Variants in PKD1L3 observed in about 807,000 individuals in gnomAD.
The protein encoded by PKD1L3 is polycystin 1 like 3, transient receptor potential channel interacting.
PKD1L3 carries 239 observed loss-of-function variants against 184.1 expected under a neutral mutation model. The ratio of observed to expected loss-of-function variants is 1.30; its 90% confidence interval spans 1.17 to 1.45. The LOEUF (loss-of-function observed/expected upper bound fraction) is 1.45. Among genes scored for constraint, PKD1L3 ranks in the 40% most tolerant of loss-of-function variants. The pLI is 0.00. For missense variants in PKD1L3, 2,660 were observed against 2,067.2 expected, an observed-to-expected ratio of 1.29 and a Z score of -5.56; for synonymous variants, 996 against 778.8, an observed-to-expected ratio of 1.28 and a Z score of -4.64.
At chr16:71,944,709 T>TG (rs2038497895) in intron 22 of PKD1L3, among the ~76,000 whole-genome samples, 1 of 79,086 alleles carries the variant, frequency 1.3e-5, no homozygotes, top group South Asian at 6.8e-4. Flanking sequence ...TTGTTTGTTT[T>TG]TTTTTTTTGA....
At chr16:71,958,203 C>G (rs995013696) in intron 16 of PKD1L3, among the ~76,000 whole-genome samples, 1 of 150,788 alleles carries the variant, frequency 6.6e-6, no homozygotes, top group East Asian at 2.0e-4. Context: ...CCGGCTAAAA[C>G]GGTGAAACCC....
At chr16:71,952,497 G>A (rs1313164348) in intron 18 of PKD1L3, among the ~76,000 whole-genome samples, 2 of 150,550 alleles carry the variant, frequency 1.3e-5, no homozygotes, top group Admixed American at 1.3e-4. Flanking sequence ...GAGATTACAG[G>A]CGTGAGCCAC....
intron 6 of PKD1L3, among the ~76,000 whole-genome samples, chr16:71,983,523 G>C (rs75753202): frequency 6.6e-6 from 1 of 152,016 alleles, no homozygotes; most frequent in Non-Finnish European, 1.5e-5. Flanking sequence ...CATAAACACA[G>C]TATATCCAAC....
At chr16:71,959,781 G>T (rs1313882503) in intron 16 of PKD1L3, among the ~76,000 whole-genome samples, 1 of 151,916 alleles carries the variant, frequency 6.6e-6, no homozygotes, top group South Asian at 2.1e-4. Flanking sequence ...AGGAGAAAGA[G>T]GAAAAAATAC....
intron 24 of PKD1L3, among the ~76,000 whole-genome samples, chr16:71,937,922 G>A (rs1442937871): frequency 1.3e-5 from 2 of 152,162 alleles, no homozygotes; most frequent in Non-Finnish European, 2.9e-5. Flanking sequence ...TATTAGTGAT[G>A]GCAGCAGCAC....
chr16:71,963,258 A>C lies in PKD1L3; in HGVS notation c.2559T>G (p.Cys853Trp). 1 of 1,542,020 alleles carries C rather than the reference A, an allele frequency of 6.5e-7. No homozygotes were observed. Among genetic ancestry groups the C allele is most frequent in the Non-Finnish European group, 8.8e-7 (1 of 1,139,772 alleles). The change falls in exon 16 of 30, where the codon TGT (cysteine) becomes TGG (tryptophan). Residue 853 changes from cysteine (C) to tryptophan (W), a missense_variant. By Grantham distance (215) the Cys-to-Trp change is radical. Transcript: ENST00000620267. The stretch of plus-strand genomic sequence containing the variant: ...CTGGGATGAAGACCCGGTCAAGCTC[A>C]CAGTCTCCGAGGTCCACAGCCAGCC... ...NCWLAVDLGD[C>W]ELDRVFIPVS... is the part of the protein sequence containing the mutation.
At position 71,935,246 on chromosome 16, in the gene PKD1L3, T is replaced by C. The variant is rs181084136; in HGVS notation, c.4613+112A>G. ...ATGAGTCCAAGTTCTCTTTTAACTC[T>C]AATGTTATGCAAATACAGATCTGGT... On this transcript the variant is annotated intron_variant, in intron 26 of 29. Coordinates refer to ENST00000620267, the MANE Select transcript of PKD1L3 (RefSeq NM_181536.2). 3.4e-6 allele frequency: 4 copies of C among 1,189,096 alleles called. No individual in the cohort carries two copies. The South Asian group carries it at 5.1e-5, about 15-fold the overall frequency. 73.7% of individuals were successfully genotyped at this position (1,189,096 alleles called of 1,614,324 possible).
intron 25 of PKD1L3, among the ~76,000 whole-genome samples, chr16:71,936,726 G>A (rs999812623): frequency 1.3e-5 from 2 of 151,958 alleles, no homozygotes; most frequent in Non-Finnish European, 2.9e-5. Flanking sequence ...CAGGTAATCC[G>A]CCTGCCTCGG....
chr16:71,933,382 A>G (rs774131101), intron 28 of PKD1L3, 38 bp downstream of exon 28: 42 of 1,440,094 alleles, frequency 2.9e-5, no homozygotes, highest in Admixed American at 1.8e-4. Flanking sequence ...CTTGTTCAAT[A>G]TATTGAATTC....
At position 71,930,153 on chromosome 16, in the gene PKD1L3, A is replaced by T; in HGVS notation, c.4957T>A (p.Phe1653Ile). Residue 1653 changes from phenylalanine (F) to isoleucine (I), a missense_variant, in exon 29 of 30, where the codon TTT becomes ATT. Physicochemically the swap from Phe to Ile is conservative, Grantham distance 21. Coordinates refer to ENST00000620267, the MANE Select transcript of PKD1L3 (RefSeq NM_181536.2). ...VFALDPVLGT[F>I]LILTSVILMV... Reference sequence around the variant, plus strand: ...AAGATGACACTGGTGAGGATCAGAAAGGTGCCCAGGACTGGGTCTAAAGCG... The same window carrying T: ...AAGATGACACTGGTGAGGATCAGAATGGTGCCCAGGACTGGGTCTAAAGCG... The T allele has an allele frequency of 6.4e-7, 1 of 1,551,370 alleles. No homozygotes were observed. The highest frequency in any genetic ancestry group is 2.0e-5 in the Admixed American group (1 of 50,896).
At chr16:71,981,002 C>A (rs1228157044) in intron 7 of PKD1L3, among the ~76,000 whole-genome samples, 2 of 152,198 alleles carry the variant, frequency 1.3e-5, no homozygotes, top group South Asian at 4.1e-4. Context: ...TGATAGGCTT[C>A]TTTCACCTGG....
At chr16:71,982,703 C>T (rs2040208576) in intron 6 of PKD1L3, among the ~76,000 whole-genome samples, 1 of 151,986 alleles carries the variant, frequency 6.6e-6, no homozygotes, top group South Asian at 2.1e-4. Flanking sequence ...CTCAAGCAAT[C>T]CTCCTTCCTC....
At position 71,949,795 on chromosome 16, in the gene PKD1L3, G is replaced by A. The variant is rs1479599700; in HGVS notation, c.3606C>T (p.Ser1202=). ...ATCCCTCACATACCTTTACTGGCTG[G>A]CTGATGAAGATGTTCTGAAGCACTG... ...ILSVLQNIFI[S]QPVKVVFFTF... Residue 1202 remains serine, a synonymous_variant, in exon 21 of 30, where the codon AGC becomes AGT. Transcript: ENST00000620267. 1.3e-6 allele frequency: 2 copies of A among 1,550,178 alleles called. No individual in the cohort carries two copies. Among genetic ancestry groups the A allele is most frequent in the South Asian group, 2.4e-5 (2 of 83,994 alleles).
At chr16:71,938,851 T>C (rs1243469663) in intron 24 of PKD1L3, among the ~76,000 whole-genome samples, 3 of 152,198 alleles carry the variant, frequency 2.0e-5, no homozygotes, top group African/African-American at 7.2e-5. Flanking sequence ...CCTCCAGTTG[T>C]CAGTGTACCT....
chr16:71,965,562 T>G (rs1477266278), intron 15 of PKD1L3, among the ~76,000 whole-genome samples: 2 of 151,794 alleles, frequency 1.3e-5, no homozygotes, highest in Non-Finnish European at 2.9e-5. Context: ...AGAATTTTTT[T>G]TTTTTTTTTT....
intron 12 of PKD1L3, 32 bp from the exon 13 acceptor site, chr16:71,970,137 C>A: frequency 6.7e-7 from 1 of 1,503,498 alleles, no homozygotes; most frequent in South Asian, 1.2e-5. Flanking sequence ...TGATTCTAGT[C>A]AGACAGAGTG....
chr16:71,979,357 T>TC (rs1404222494), intron 9 of PKD1L3, among the ~76,000 whole-genome samples: 17 of 152,188 alleles, frequency 1.1e-4, no homozygotes, highest in African/African-American at 4.1e-4. Context: ...GGCAGGGGAA[T>TC]CGCTTGAACC....
At chr16:71,990,574 AAACAT>A (rs1403177656) in intron 3 of PKD1L3, among the ~76,000 whole-genome samples, 1 of 152,012 alleles carries the variant, frequency 6.6e-6, no homozygotes, top group Non-Finnish European at 1.5e-5. Flanking sequence ...TCTCTACTAA[AAACAT>A]AATAATTAGC....
At chr16:71,936,011 G>C (rs2038162467) in intron 25 of PKD1L3, among the ~76,000 whole-genome samples, 1 of 151,880 alleles carries the variant, frequency 6.6e-6, no homozygotes, top group Non-Finnish European at 1.5e-5. Context: ...GCCCAGGCTA[G>C]TCTTGAACTC....
Sources: allele counts gnomAD v4.1 joint callset (sites outside exome capture counted in the v4.1 genomes callset), GRCh38; gene constraint gnomAD v4.1.1; transcripts MANE v1.5; gene names NCBI Gene and HGNC (gene_info 2026-07-23, HGNC 2026-07-21).